The following KIAA1549L variants were observed in gnomAD, a reference collection of about 807,000 sequenced individuals.
The protein encoded by KIAA1549L is UPF0606 protein KIAA1549L.
A neutral mutation model predicts 160.7 loss-of-function variants in KIAA1549L; 88 were observed. That is an observed-to-expected ratio of 0.55 (90% CI 0.46 to 0.65). The LOEUF is 0.65. KIAA1549L is among the 30% of genes least tolerant of loss of function. The pLI, the probability that KIAA1549L is intolerant of heterozygous loss-of-function variation, is 0.00. For missense variants in KIAA1549L, 2,258 were observed against 2,437.5 expected, an observed-to-expected ratio of 0.93 and a Z score of 1.55; for synonymous variants, 950 against 976.7, an observed-to-expected ratio of 0.97 and a Z score of 0.51.
chr11:33,514,318 G>T (rs187757100), intron 1 of KIAA1549L, among the ~76,000 whole-genome samples: 18 of 152,286 alleles, frequency 1.2e-4, no homozygotes, highest in Non-Finnish European at 1.9e-4. Context: ...ATTTAATTTG[G>T]AGAATTCGTT....
chr11:33,397,747 CACACACACAA>C (rs1429460692), intron 1 of KIAA1549L, among the ~76,000 whole-genome samples: 13 of 90,494 alleles, frequency 1.4e-4, no homozygotes, highest in Middle Eastern at 6.1e-3. Context: ...CACACACACA[CACACACACAA>C]AAGTGAAAAC....
At chr11:33,417,298 G>A (rs1284463856) in intron 1 of KIAA1549L, among the ~76,000 whole-genome samples, 1 of 152,134 alleles carries the variant, frequency 6.6e-6, no homozygotes, top group East Asian at 1.9e-4. Flanking sequence ...CAGGCACACA[G>A]CATGCGCATG....
At chr11:33,607,209 GAGGGAACC>G (rs1186842052) in intron 14 of KIAA1549L, among the ~76,000 whole-genome samples, 1 of 152,178 alleles carries the variant, frequency 6.6e-6, no homozygotes, top group Admixed American at 6.5e-5. Context: ...CTTGAATTGA[GAGGGAACC>G]AGGGAAGATA....
chr11:33,478,064 G>A (rs140937496), intron 1 of KIAA1549L, among the ~76,000 whole-genome samples: 293 of 152,350 alleles, frequency 1.9e-3, no homozygotes, highest in African/African-American at 6.8e-3. Context: ...ACATAAAAGG[G>A]AAAGGCTTGA....
chr11:33,559,420 A>G (rs10768005), intron 6 of KIAA1549L, among the ~76,000 whole-genome samples: 148,139 of 152,336 alleles, frequency 0.97, 72,057 homozygotes, highest in East Asian at 1. Flanking sequence ...TCCTGAGTCT[A>G]TCCTTTATTA....
Position 33,670,964 on chromosome 11 carries a change from A to T in KIAA1549L, c.*2810A>T, listed in dbSNP as rs1852655491. On this transcript the variant is annotated 3_prime_UTR_variant, in exon 21 of 21. Transcript: ENST00000658780. ...TGGCCTGCAGGCTTGTCAGTAACAC[A>T]TTTCTTTAGCTGTGCCTAGAGGTTT... is the stretch of plus-strand genomic sequence containing the variant. 1 of 152,088 alleles carries T rather than the reference A, an allele frequency of 6.6e-6. No individual in the cohort carries two copies. The highest frequency in any genetic ancestry group is 6.6e-5 in the Admixed American group (1 of 15,260). The allele number at this position is 152,088 out of a possible 1,614,324, so 9.4% of individuals were successfully genotyped here.
chr11:33,563,925 C>G (rs865886619), intron 8 of KIAA1549L, among the ~76,000 whole-genome samples: 5 of 152,164 alleles, frequency 3.3e-5, no homozygotes, highest in Admixed American at 6.5e-5. Context: ...TTCATCTACC[C>G]GTGTCTTGCC....
rs538132465 is a variant in KIAA1549L, at chr11:33,430,045, T to TCCTTCCTTCCTTCCTCCCTC, written c.238+53159_238+53160insTCCTTCCTTCCTCCCTCCCT. Among the ~76,000 whole-genome samples the TCCTTCCTTCCTTCCTCCCTC allele has an allele frequency of 2.1e-3, 266 of 128,990 alleles. 3 individuals carry two copies. Among genetic ancestry groups the TCCTTCCTTCCTTCCTCCCTC allele is most frequent in the African/African-American group, 8.0e-3 (245 of 30,580 alleles). The allele number at this position is 128,990 out of a possible 152,430, so 84.6% of individuals were successfully genotyped here. ...TTCCTTCCTTCCTTCCTTCCTTCCTTCCTCCCTTCCCTCTCTCCTCCGTTC... is the reference window on the plus strand; with the variant it reads ...TTCCTTCCTTCCTTCCTTCCTTCCTTCCTTCCTTCCTTCCTCCCTCCCTCCCTTCCCTCTCTCCTCCGTTC... On this transcript the variant is annotated intron_variant, in intron 1 of 20. Transcript: ENST00000658780.
chr11:33,598,026 G>A (rs772679493), intron 12 of KIAA1549L, among the ~76,000 whole-genome samples: 6 of 152,134 alleles, frequency 3.9e-5, no homozygotes, highest in Non-Finnish European at 7.4e-5. Context: ...ATCCTGGTGG[G>A]GAGCTCTTGG....
At chr11:33,419,740 G>A (rs934062745) in intron 1 of KIAA1549L, among the ~76,000 whole-genome samples, 4 of 152,040 alleles carry the variant, frequency 2.6e-5, no homozygotes, top group African/African-American at 9.6e-5. Flanking sequence ...CTAGCTACTC[G>A]GGAGGCTGAG....
intron 1 of KIAA1549L, among the ~76,000 whole-genome samples, chr11:33,436,636 T>C (rs933251427): frequency 1.3e-5 from 2 of 152,346 alleles, no homozygotes; most frequent in African/African-American, 4.8e-5. Context: ...TAGGTATTGT[T>C]TTTATTACTT....
At chr11:33,397,993 G>T (rs1425371730) in intron 1 of KIAA1549L, among the ~76,000 whole-genome samples, 1 of 144,798 alleles carries the variant, frequency 6.9e-6, no homozygotes, top group African/African-American at 2.6e-5. Flanking sequence ...GCACAATCTC[G>T]GCTCACTGCA....
intron 17 of KIAA1549L, among the ~76,000 whole-genome samples, chr11:33,650,446 G>A (rs575569901): frequency 6.6e-6 from 1 of 152,284 alleles, no homozygotes; most frequent in South Asian, 2.1e-4. Context: ...CAGAAGCTCA[G>A]TCTCAGTTCA....
At chr11:33,593,863 T>A (rs565041514) in intron 12 of KIAA1549L, among the ~76,000 whole-genome samples, 9 of 152,146 alleles carry the variant, frequency 5.9e-5, no homozygotes, top group African/African-American at 2.2e-4. Context: ...GAAATATAAA[T>A]GTAGGAGTGG....
At position 33,542,275 on chromosome 11, in the gene KIAA1549L, G is replaced by A. The variant is rs1854044680; in HGVS notation, c.712G>A (p.Asp238Asn). Residue 238 changes from aspartate to asparagine, a missense_variant, in exon 2 of 21, where the codon GAC (aspartate) becomes AAC (asparagine). Physicochemically the swap from Asp to Asn is conservative, Grantham distance 23. Transcript: ENST00000658780. ...SSISKHPPRS[D>N]IPPLLPLPPS... ...CATTTCAAAGCATCCCCCAAGGTCA[G>A]ACATTCCCCCACTCCTCCCTCTACC... 4.6e-6 allele frequency: 3 copies of A among 651,518 alleles called. No individual in the cohort carries two copies. The South Asian group carries it at 5.2e-5, about 11-fold the overall frequency. 40.4% of individuals were successfully genotyped at this position (651,518 alleles called of 1,614,324 possible).
chr11:33,661,343 T>C (rs968191657), intron 20 of KIAA1549L, among the ~76,000 whole-genome samples: 11 of 152,230 alleles, frequency 7.2e-5, no homozygotes, highest in Admixed American at 2.6e-4. Flanking sequence ...GTTTATATTA[T>C]TTAATCTTTA....
chr11:33,600,586 A>C (rs564090570), intron 13 of KIAA1549L, among the ~76,000 whole-genome samples: 1 of 130,444 alleles, frequency 7.7e-6, no homozygotes, highest in Non-Finnish European at 1.6e-5. Context: ...TCCTTTATAT[A>C]CTTCCTGGAA....
chr11:33,630,376 A>C (rs920986346), intron 16 of KIAA1549L, among the ~76,000 whole-genome samples: 1 of 152,136 alleles, frequency 6.6e-6, no homozygotes, highest in Non-Finnish European at 1.5e-5. Flanking sequence ...CCCCTCCCCC[A>C]GCCTCGCTGC....
intron 15 of KIAA1549L, 81 bp from the exon 16 acceptor site, chr11:33,618,452 G>T (rs973772394): frequency 7.6e-7 from 1 of 1,312,514 alleles, no homozygotes; most frequent in African/African-American, 1.5e-5. Flanking sequence ...CCCTTCATTG[G>T]TTGCCTGTAC....
Sources: allele counts gnomAD v4.1 joint callset (sites outside exome capture counted in the v4.1 genomes callset), GRCh38; gene constraint gnomAD v4.1.1; transcripts MANE v1.5; gene names NCBI Gene and HGNC (gene_info 2026-07-23, HGNC 2026-07-21).